KCNMA1: variants seen among roughly 807,000 people sequenced by gnomAD.
KCNMA1 encodes Calcium-activated potassium channel subunit alpha-1.
Under a neutral mutation model 140.0 loss-of-function variants are expected in KCNMA1, and 29 were observed. The ratio of observed to expected loss-of-function variants is 0.21; its 90% CI spans 0.15 to 0.28. The LOEUF is 0.28. Among genes scored for constraint, KCNMA1 ranks in the 10% least tolerant of loss-of-function variants. The pLI is 1.00. For missense variants in KCNMA1, 880 were observed against 1,602.2 expected, an observed-to-expected ratio of 0.55 and a Z score of 7.70; for synonymous variants, 612 against 611.9, an observed-to-expected ratio of 1.00 and a Z score of 0.00.
intron 1 of KCNMA1, among the ~76,000 whole-genome samples, chr10:77,411,458 G>T (rs112409106): frequency 6.6e-6 from 1 of 152,100 alleles, no homozygotes; most frequent in Admixed American, 6.5e-5. Context: ...ACTCTATGAC[G>T]TTGGTACTAA....
intron 3 of KCNMA1, among the ~76,000 whole-genome samples, chr10:77,207,618 A>G (rs1313662231): frequency 6.6e-6 from 1 of 152,184 alleles, no homozygotes; most frequent in African/African-American, 2.4e-5. Flanking sequence ...TGACCTATTG[A>G]ACATCTGGTA....
At chr10:76,966,116 G>C (rs1250767606) in intron 20 of KCNMA1, among the ~76,000 whole-genome samples, 1 of 152,192 alleles carries the variant, frequency 6.6e-6, no homozygotes, top group African/African-American at 2.4e-5. Context: ...TTGGGTGCTA[G>C]ACTTTAGATT....
At chr10:77,104,730 C>T (rs754413454) in intron 9 of KCNMA1, among the ~76,000 whole-genome samples, 3 of 152,196 alleles carry the variant, frequency 2.0e-5, no homozygotes, top group African/African-American at 7.2e-5. Flanking sequence ...GGCCATGTGA[C>T]CTTGGACCAC....
At chr10:77,590,607 G>A (rs537006597) in intron 1 of KCNMA1, among the ~76,000 whole-genome samples, 2 of 152,308 alleles carry the variant, frequency 1.3e-5, no homozygotes, top group East Asian at 3.9e-4. Context: ...AGCCGGCTCC[G>A]GCCTTGGCCA....
chr10:76,917,525 G>C lies in KCNMA1; in HGVS notation c.2903-2476C>G, dbSNP rs530017542. 1.9e-4 allele frequency among the ~76,000 whole-genome samples: 29 copies of C among 152,142 alleles called. 1 individual carries two copies. The South Asian group carries it at 6.0e-3, about 32-fold the overall frequency. On this transcript the variant is annotated intron_variant, in intron 23 of 27. Coordinates refer to ENST00000286628, the MANE Select transcript of KCNMA1 (RefSeq NM_001161352.2). ...TGGAAATGACATGCTTGCTTCATAG[G>C]CTTCTTTCATTTTGCTTTCATATTC...
At chr10:77,368,028 T>A (rs1460550291) in intron 2 of KCNMA1, among the ~76,000 whole-genome samples, 2 of 152,234 alleles carry the variant, frequency 1.3e-5, no homozygotes, top group African/African-American at 4.8e-5. Flanking sequence ...TTCTGTAAAC[T>A]TAAGTTTTCA....
At position 76,885,994 on chromosome 10, in the gene KCNMA1, T is replaced by TGAG; in HGVS notation, c.*1269_*1271dup. The TGAG allele has an allele frequency of 1.0e-6, 1 of 985,462 alleles. No individual in the cohort carries two copies. Among genetic ancestry groups the TGAG allele is most frequent in the African/African-American group, 1.7e-5 (1 of 57,372 alleles). The allele number at this position is 985,462 out of a possible 1,614,324, so 61.0% of individuals were successfully genotyped here. ...TTGGCTACATTAAAGAAAGTGATGA[T>TGAG]GAGGAATTCCTTCCCACCAGCTTTC... On this transcript the variant is annotated 3_prime_UTR_variant, in exon 28 of 28. Coordinates refer to ENST00000286628, the MANE Select transcript of KCNMA1 (RefSeq NM_001161352.2).
intron 2 of KCNMA1, among the ~76,000 whole-genome samples, chr10:77,351,701 AC>A (rs148449377): frequency 0.011 from 1,672 of 152,272 alleles, 29 homozygotes; most frequent in African/African-American, 0.038. Context: ...CATTCTCAAA[AC>A]TAGGTCTGGA....
chr10:77,614,395 C>A (rs2088461578), intron 1 of KCNMA1, among the ~76,000 whole-genome samples: 1 of 152,038 alleles, frequency 6.6e-6, no homozygotes, highest in African/African-American at 2.4e-5. Flanking sequence ...CCTGAAGGAT[C>A]CAGTTAGGAG....
intron 1 of KCNMA1, among the ~76,000 whole-genome samples, chr10:77,455,206 A>C (rs936138404): frequency 1.2e-4 from 18 of 152,200 alleles, no homozygotes; most frequent in African/African-American, 4.3e-4. Context: ...CTCTCACACC[A>C]AGCCCAAGCA....
chr10:77,056,359 G>A (rs2153651228), intron 14 of KCNMA1, among the ~76,000 whole-genome samples: 2 of 152,144 alleles, frequency 1.3e-5, no homozygotes, highest in South Asian at 2.1e-4. Context: ...CAGCTTGGGT[G>A]ACAGAGTGAG....
At chr10:77,084,057 G>A (rs547499844) in intron 12 of KCNMA1, among the ~76,000 whole-genome samples, 5 of 152,098 alleles carry the variant, frequency 3.3e-5, no homozygotes, top group South Asian at 2.1e-4. Flanking sequence ...TCAATATGCC[G>A]TAGACACACT....
intron 1 of KCNMA1, among the ~76,000 whole-genome samples, chr10:77,423,662 C>T (rs370958374): frequency 6.6e-6 from 1 of 152,128 alleles, no homozygotes; most frequent in Admixed American, 6.5e-5. Flanking sequence ...TCTGCCTCTC[C>T]AATCCATGCC....
chr10:77,090,474 A>G lies in KCNMA1; in HGVS notation c.1260T>C (p.Ser420=), dbSNP rs751025325. 2.5e-6 allele frequency: 4 copies of G among 1,614,000 alleles called. No homozygotes were observed. Among genetic ancestry groups the G allele is most frequent in the Non-Finnish European group, 2.5e-6 (3 of 1,179,914 alleles). The change falls in exon 10 of 28, where the codon AGT becomes AGC. Residue 420 remains serine (S), a synonymous_variant. Transcript: ENST00000286628. ...GAAAGTCCTTCAGGAAGTTGGAAACACTCTCCAGAGTGATGTGTCCGCAGA... is the reference window on the plus strand; with the variant it reads ...GAAAGTCCTTCAGGAAGTTGGAAACGCTCTCCAGAGTGATGTGTCCGCAGA... ...IVVCGHITLE[S]VSNFLKDFLH...
chr10:76,881,968 A>T (rs2034850436), downstream of KCNMA1, among the ~76,000 whole-genome samples: 1 of 152,140 alleles, frequency 6.6e-6, no homozygotes, highest in Non-Finnish European at 1.5e-5. Flanking sequence ...CCCATCTGAG[A>T]GCCATCTGTT....
At chr10:77,030,202 A>G (rs1351666977) in intron 15 of KCNMA1, among the ~76,000 whole-genome samples, 1 of 152,172 alleles carries the variant, frequency 6.6e-6, no homozygotes, top group Non-Finnish European at 1.5e-5. Context: ...GATTCCTGCC[A>G]GCAGAATCTA....
At chr10:77,415,615 A>G (rs191532350) in intron 1 of KCNMA1, among the ~76,000 whole-genome samples, 2 of 152,366 alleles carry the variant, frequency 1.3e-5, no homozygotes, top group African/African-American at 4.8e-5. Flanking sequence ...TTCATAAAAG[A>G]ATGCAGAAAT....
In KCNMA1 at chr10:76,936,686, G is replaced by A. The variant is rs531530553; in HGVS notation, c.2902+8087C>T. Among the ~76,000 whole-genome samples the A allele has an allele frequency of 2.0e-5, 3 of 152,306 alleles. No individual in the cohort carries two copies. In the South Asian group the frequency reaches 6.2e-4, roughly 32 times the overall value. On this transcript the variant is annotated intron_variant, in intron 23 of 27. Coordinates refer to ENST00000286628, the MANE Select transcript of KCNMA1 (RefSeq NM_001161352.2). The stretch of plus-strand genomic sequence containing the variant: ...TGTATAGGTGCGTCTGCAAGAAACA[G>A]TGAGCAGCCTGGGGGTCAGGAAAGC...
intron 1 of KCNMA1, among the ~76,000 whole-genome samples, chr10:77,608,403 G>T (rs953300792): frequency 1.3e-5 from 2 of 151,988 alleles, no homozygotes; most frequent in African/African-American, 4.8e-5. Context: ...CAAACTCCTG[G>T]GCTCAAGCGA....
Sources: allele counts gnomAD v4.1 joint callset (sites outside exome capture counted in the v4.1 genomes callset), GRCh38; gene constraint gnomAD v4.1.1; transcripts MANE v1.5; gene names NCBI Gene and HGNC (gene_info 2026-07-23, HGNC 2026-07-21).